The following CDH23 variants were observed in gnomAD, a reference collection of about 807,000 sequenced individuals.
CDH23 encodes cadherin-23.
A neutral mutation model predicts 317.1 loss-of-function variants in CDH23; 189 were observed. That is an observed-to-expected ratio of 0.60 (90% CI 0.53 to 0.67). The LOEUF (loss-of-function observed/expected upper bound fraction) is 0.67. Among genes scored for constraint, CDH23 ranks in the 30% least tolerant of loss-of-function variants. The probability of loss-of-function intolerance (pLI) is 0.00; values close to 1 mark genes in which losing one functional copy is unlikely to be tolerated. For synonymous variants in CDH23, 1,839 were observed against 1,876.8 expected (o/e 0.98, Z 0.52); for missense variants, 4,401 against 4,592.4 (o/e 0.96, Z 1.20).
chr10:71,639,642 C>A (rs187284468), intron 11 of CDH23, among the ~76,000 whole-genome samples: 3 of 152,290 alleles, frequency 2.0e-5, no homozygotes, highest in Admixed American at 6.5e-5. Flanking sequence ...ACACTTACCC[C>A]CTCTGGCCCC....
chr10:71,785,779 G>A, intron 44 of CDH23, 41 bp downstream of exon 44: 2 of 1,216,194 alleles, frequency 1.6e-6, no homozygotes, highest in Non-Finnish European at 2.4e-6. Context: ...CTGGGAGCTA[G>A]AGGCGCATGG....
At chr10:71,706,775 G>GGAGC in intron 25 of CDH23, 122 bp from the exon 26 acceptor site, 8 of 1,459,590 alleles carry the variant, frequency 5.5e-6, no homozygotes, top group Non-Finnish European at 7.3e-6. Context: ...GATGCCACTT[G>GGAGC]GAGCCCGTGA....
chr10:71,545,474 C>T (rs559793038), intron 6 of CDH23, among the ~76,000 whole-genome samples: 1 of 152,300 alleles, frequency 6.6e-6, no homozygotes, highest in Admixed American at 6.5e-5. Flanking sequence ...TAAGGAGACC[C>T]GATGCTTACC....
chr10:71,601,012 TG>T (rs1860184946), intron 9 of CDH23, among the ~76,000 whole-genome samples: 1 of 152,190 alleles, frequency 6.6e-6, no homozygotes, highest in Non-Finnish European at 1.5e-5. Flanking sequence ...CATTGCTGAG[TG>T]GGTTTGTGCT....
chr10:71,484,863 G>T (rs1015945372), intron 3 of CDH23, among the ~76,000 whole-genome samples: 1 of 151,992 alleles, frequency 6.6e-6, no homozygotes, highest in African/African-American at 2.4e-5. Flanking sequence ...ATTGATGTCT[G>T]TAAAATGGGG....
intron 48 of CDH23, chr10:71,794,536 GA>G (rs1841351973): frequency 6.6e-6 from 1 of 152,208 alleles, no homozygotes; most frequent in Non-Finnish European, 1.5e-5. Context: ...GAGGAGTTAG[GA>G]AAGGGACATG....
intron 1 of CDH23, among the ~76,000 whole-genome samples, chr10:71,409,893 A>T: frequency 6.6e-6 from 1 of 152,116 alleles, no homozygotes; most frequent in East Asian, 1.9e-4. Flanking sequence ...CCTGTAAGAA[A>T]TGGGAAGCAT....
rs139351318 is a variant in CDH23, at chr10:71,707,786, C to T, written c.3106+737C>T. On this transcript the variant is annotated intron_variant, in intron 26 of 69. Transcript: ENST00000224721. ...TTACTGGCTCAGTCTTCTCTCTGTC[C>T]ATGACCTGCCTACCAACACACATGT... is the stretch of plus-strand genomic sequence containing the variant. 4.5e-3 allele frequency among the ~76,000 whole-genome samples: 683 copies of T among 152,276 alleles called. 2 individuals are homozygous for T. Among genetic ancestry groups the T allele is most frequent in the Non-Finnish European group, 6.4e-3 (438 of 68,014 alleles).
intron 26 of CDH23, chr10:71,707,547 G>C: frequency 9.7e-7 from 1 of 1,027,076 alleles, no homozygotes; most frequent in South Asian, 3.9e-5. Flanking sequence ...TGTGGCCACA[G>C]ATGATGAGGC....
At chr10:71,688,686 C>T (rs1217065899) in intron 19 of CDH23, among the ~76,000 whole-genome samples, 3 of 85,940 alleles carry the variant, frequency 3.5e-5, no homozygotes, top group South Asian at 4.6e-4. Flanking sequence ...GGTGGTGGAG[C>T]CAACGGTGGT....
intron 1 of CDH23, among the ~76,000 whole-genome samples, chr10:71,411,204 T>C (rs536822307): frequency 4.6e-5 from 7 of 152,356 alleles, no homozygotes; most frequent in Admixed American, 1.3e-4. Context: ...GCATCAAAAA[T>C]ATGTAAGTCA....
intron 3 of CDH23, among the ~76,000 whole-genome samples, chr10:71,508,821 C>G (rs1419765603): frequency 6.6e-6 from 1 of 152,178 alleles, no homozygotes; most frequent in Non-Finnish European, 1.5e-5. Flanking sequence ...GCGCTGTACA[C>G]TTATCACATT....
intron 9 of CDH23, among the ~76,000 whole-genome samples, chr10:71,604,015 C>T (rs867159822): frequency 6.6e-6 from 1 of 152,232 alleles, no homozygotes; most frequent in South Asian, 2.1e-4. Context: ...TAGAGGCAGA[C>T]AGGCTGGCCT....
intron 14 of CDH23, among the ~76,000 whole-genome samples, chr10:71,664,884 C>G (rs1589310449): frequency 6.7e-6 from 1 of 149,924 alleles, no homozygotes; most frequent in South Asian, 2.2e-4. Flanking sequence ...CTCCTTCTCC[C>G]TCTCCCCTCC....
chr10:71,740,779 C>A (rs181452116), intron 36 of CDH23, 43 bp from the exon 37 acceptor site: 2 of 1,612,100 alleles, frequency 1.2e-6, no homozygotes, highest in Non-Finnish European at 1.7e-6. Context: ...CAATCCTGCC[C>A]GCCACGCTTT....
Position 71,741,783 on chromosome 10 carries a change from G to C in CDH23, c.4707G>C (p.Glu1569Asp). ...INSVLSYYIT[E>D]GNKDMAFRMD... is the part of the protein sequence containing the mutation. ...GTGTTCTGTCCTACTACATCACCGA[G>C]GGCAACAAGGACATGGCCTTCCGCA... Residue 1569 changes from glutamate to aspartate, a missense_variant, in exon 38 of 70, where the codon GAG becomes GAC. Coordinates refer to ENST00000224721, the MANE Select transcript of CDH23 (RefSeq NM_022124.6). The C allele has an allele frequency of 6.2e-7, 1 of 1,612,828 alleles. No homozygotes were observed. The highest frequency in any genetic ancestry group is 8.5e-7 in the Non-Finnish European group (1 of 1,179,480).
At chr10:71,619,784 G>A (rs1325239771) in intron 11 of CDH23, among the ~76,000 whole-genome samples, 1 of 152,190 alleles carries the variant, frequency 6.6e-6, no homozygotes, top group Non-Finnish European at 1.5e-5. Context: ...CCAAGCCAAG[G>A]AATTGAGGCT....
At chr10:71,632,399 C>A (rs530518503) in intron 11 of CDH23, among the ~76,000 whole-genome samples, 29 of 152,288 alleles carry the variant, frequency 1.9e-4, no homozygotes, top group Middle Eastern at 3.4e-3. Context: ...GGTCCTTGAG[C>A]ATAAGTGATG....
At chr10:71,765,059 G>T (rs947419424) in intron 38 of CDH23, among the ~76,000 whole-genome samples, 3 of 152,218 alleles carry the variant, frequency 2.0e-5, no homozygotes, top group African/African-American at 7.2e-5. Context: ...CCGGGAAACA[G>T]AAGTGAGGAG....
Sources: allele counts gnomAD v4.1 joint callset (sites outside exome capture counted in the v4.1 genomes callset), GRCh38; gene constraint gnomAD v4.1.1; transcripts MANE v1.5; gene names NCBI Gene and HGNC (gene_info 2026-07-23, HGNC 2026-07-21).